The following SYNE1 variants were observed in gnomAD, a reference collection of about 807,000 sequenced individuals.
SYNE1 encodes spectrin repeat containing nuclear envelope protein 1.
Under a neutral mutation model 1,111.0 loss-of-function variants are expected in SYNE1, and 616 were observed. That is an observed-to-expected ratio of 0.55 (90% CI 0.52 to 0.59). The LOEUF (loss-of-function observed/expected upper bound fraction) is 0.59. SYNE1 is among the 20% of genes least tolerant of loss of function. The probability of loss-of-function intolerance (pLI) is 0.00; values close to 1 mark genes in which losing one functional copy is unlikely to be tolerated. For missense variants in SYNE1, 10,006 were observed against 10,417.0 expected, an observed-to-expected ratio of 0.96 and a Z score of 1.72; for synonymous variants, 3,855 against 3,825.8, an observed-to-expected ratio of 1.01 and a Z score of -0.28.
chr6:152,507,399 T>G (rs902377511), intron 8 of SYNE1, among the ~76,000 whole-genome samples: 1 of 152,220 alleles, frequency 6.6e-6, no homozygotes, highest in Non-Finnish European at 1.5e-5. Context: ...TTTACTGTAA[T>G]GAAATAATTA....
At chr6:152,358,228 T>C in intron 66 of SYNE1, 145 bp downstream of exon 66, 1 of 1,137,896 alleles carries the variant, frequency 8.8e-7, no homozygotes, top group South Asian at 1.3e-5. Flanking sequence ...CTCAGAATGT[T>C]CTTGATCAAA....
intron 39 of SYNE1, among the ~76,000 whole-genome samples, chr6:152,421,343 C>G (rs1364091586): frequency 6.6e-6 from 1 of 152,138 alleles, no homozygotes; most frequent in Non-Finnish European, 1.5e-5. Flanking sequence ...AAAAACGTAG[C>G]AGCAAAGCCA....
chr6:152,359,293 C>T, intron 65 of SYNE1, 22 bp downstream of exon 65: 8 of 1,613,214 alleles, frequency 5.0e-6, no homozygotes, highest in Non-Finnish European at 6.8e-6. Context: ...GGTGAGTCTA[C>T]AAGGAAAGTG....
intron 59 of SYNE1, 124 bp from the exon 60 acceptor site, chr6:152,369,738 T>A (rs2097145256): frequency 1.7e-6 from 2 of 1,200,204 alleles, no homozygotes; most frequent in African/African-American, 3.0e-5. Flanking sequence ...ATCCCAGCAC[T>A]TTGGGTGGCC....
At position 152,416,930 on chromosome 6, in the gene SYNE1, G is replaced by A; in HGVS notation, c.5507C>T (p.Ala1836Val). 1 of 1,614,142 alleles carries A rather than the reference G, an allele frequency of 6.2e-7. No individual in the cohort carries two copies. Among genetic ancestry groups the A allele is most frequent in the East Asian group, 2.2e-5 (1 of 44,860 alleles). The part of the protein sequence containing the change: ...HLAKLGSLGR[A>V]EDLHLLQGKA... ...TCCCTGCAGGAGGTGGAGGTCCTCA[G>A]CACGGCCCAGAGAACCCAACTTTGC... Residue 1836 changes from alanine to valine, a missense_variant, in exon 41 of 146, where the codon GCT becomes GTT. By Grantham distance (64) the Ala-to-Val change is moderately conservative (BLOSUM62 0). Around this residue, in one of 7 missense-constraint regions of SYNE1, gnomAD observed 4,955 missense variants for 5,017.2 expected, o/e 0.99. Transcript: ENST00000367255.
intron 37 of SYNE1, 53 bp from the exon 38 acceptor site, chr6:152,427,869 G>T (rs1592483445): frequency 3.1e-6 from 5 of 1,612,312 alleles, no homozygotes; most frequent in South Asian, 1.1e-5. Flanking sequence ...CATGCTAGCA[G>T]ATTAAACCTT....
intron 32 of SYNE1, among the ~76,000 whole-genome samples, chr6:152,436,405 G>A (rs1427313410): frequency 6.6e-6 from 1 of 151,968 alleles, no homozygotes; most frequent in Non-Finnish European, 1.5e-5. Context: ...GGGTTTATAT[G>A]ATTTTCCTAC....
chr6:152,599,150 T>C (rs540581433), intron 3 of SYNE1, among the ~76,000 whole-genome samples: 2 of 152,304 alleles, frequency 1.3e-5, no homozygotes, highest in South Asian at 4.1e-4. Context: ...CTGAATGTAT[T>C]AAAAACACTA....
chr6:152,342,170 T>C (rs1458407830), intron 74 of SYNE1, among the ~76,000 whole-genome samples: 2 of 152,232 alleles, frequency 1.3e-5, no homozygotes, highest in African/African-American at 4.8e-5. Context: ...AGTATCCTCC[T>C]GTGACCACGG....
intron 40 of SYNE1, 22 bp downstream of exon 40, chr6:152,419,547 A>AC: frequency 2.6e-6 from 2 of 762,226 alleles, no homozygotes; most frequent in Middle Eastern, 5.7e-4. Context: ...CTTCAATCTT[A>AC]AAAAAAAAAA....
At chr6:152,163,501 GAAA>G (rs35413195) in intron 131 of SYNE1, among the ~76,000 whole-genome samples, 1 of 114,654 alleles carries the variant, frequency 8.7e-6, no homozygotes, top group Admixed American at 9.6e-5. Context: ...TCTGTCTCAG[GAAA>G]AAAAAAAAAA....
chr6:152,125,119 G>A, intron 145 of SYNE1: 1 of 867,020 alleles, frequency 1.2e-6, no homozygotes. Context: ...TGAATGACTT[G>A]CTTCAGATTC....
At chr6:152,573,106 G>A (rs985361033) in intron 3 of SYNE1, among the ~76,000 whole-genome samples, 8 of 152,218 alleles carry the variant, frequency 5.3e-5, no homozygotes, top group African/African-American at 1.7e-4. Flanking sequence ...TTCTAAGGGC[G>A]AGGCACTTAG....
chr6:152,415,633 G>C (rs2098139401), intron 41 of SYNE1, among the ~76,000 whole-genome samples: 1 of 151,958 alleles, frequency 6.6e-6, no homozygotes, highest in African/African-American at 2.4e-5. Flanking sequence ...TCTTGTTATA[G>C]AAGATGAATC....
intron 133 of SYNE1, among the ~76,000 whole-genome samples, chr6:152,152,751 T>G (rs1428353477): frequency 6.6e-6 from 1 of 152,214 alleles, no homozygotes; most frequent in African/African-American, 2.4e-5. Context: ...ACAAGTAACT[T>G]TATATTTTAA....
chr6:152,516,906 T>C (rs1025063875), intron 6 of SYNE1, among the ~76,000 whole-genome samples: 2 of 152,164 alleles, frequency 1.3e-5, no homozygotes, highest in African/African-American at 2.4e-5. Context: ...CTAAATATCC[T>C]GTTTAACAAG....
At chr6:152,484,724 C>T (rs1315402384) in intron 13 of SYNE1, 111 bp downstream of exon 13, 2 of 1,174,942 alleles carry the variant, frequency 1.7e-6, no homozygotes, top group Non-Finnish European at 2.5e-6. Context: ...TTTCTAGCCT[C>T]AGACAGAGGC....
rs1554226673 is a variant in SYNE1 at position 152,220,971 on chromosome 6, G to T, written c.21732C>A (p.Tyr7244Ter). Residue 7244 changes from tyrosine to a stop codon, truncating the protein, a stop_gained, in exon 119 of 146, where the codon TAC (tyrosine) becomes TAA (stop). Transcript: ENST00000367255. LOFTEE classifies it high-confidence loss of function. ...AAGCACACTGTTTGGAGTAGTCCTT[G>T]TATCTTTGCCAAAGCTGAAGTAGGG... Reference protein sequence around the residue: ...SKALLQLWQRYKDYSKQCAST... With the variant: ...SKALLQLWQR The T allele has an allele frequency of 6.2e-7, 1 of 1,614,166 alleles. No homozygotes were observed. The highest frequency in any genetic ancestry group is 8.5e-7 in the Non-Finnish European group (1 of 1,180,002).
intron 44 of SYNE1, among the ~76,000 whole-genome samples, chr6:152,407,942 T>C (rs2097927675): frequency 6.6e-6 from 1 of 151,664 alleles, no homozygotes. Context: ...TTTGTATTTT[T>C]AGTAGAGATG....
Sources: allele counts gnomAD v4.1 joint callset (sites outside exome capture counted in the v4.1 genomes callset), GRCh38; gene constraint gnomAD v4.1.1; regional missense constraint gnomAD v4.1.1; transcripts MANE v1.5; gene names NCBI Gene and HGNC (gene_info 2026-07-23, HGNC 2026-07-21).